DAPK1: variants seen among roughly 807,000 people sequenced by gnomAD.
The protein encoded by DAPK1 is death associated protein kinase 1.
Under a neutral mutation model 144.9 loss-of-function variants are expected in DAPK1, and 56 were observed. The observed-to-expected ratio is 0.39, with a 90% CI of 0.31 to 0.48. The LOEUF is 0.48. DAPK1 is among the 20% of genes least tolerant of loss of function. DAPK1 has a pLI of 0.95. For missense variants in DAPK1, 1,454 were observed against 1,875.4 expected (o/e 0.78, Z 4.15); for synonymous variants, 690 against 749.0 (o/e 0.92, Z 1.29).
chr9:87,680,847 A>G (rs1322879103), intron 19 of DAPK1, among the ~76,000 whole-genome samples: 2 of 152,178 alleles, frequency 1.3e-5, no homozygotes, highest in Non-Finnish European at 2.9e-5. Flanking sequence ...GGTGACACAA[A>G]TGTTCTGGAA....
Position 87,500,601 on chromosome 9 carries a change from G to A in DAPK1, c.62+1462G>A, listed in dbSNP as rs1698438113. The stretch of plus-strand genomic sequence containing the variant: ...TTGAGATTATTATATTATGGATTAA[G>A]TATATTGACCTTATTTTCATTATGA... On this transcript the variant is annotated intron_variant, in intron 2 of 25. Transcript: ENST00000408954. Among the ~76,000 whole-genome samples the A allele has an allele frequency of 2.0e-5, 3 of 152,102 alleles. No homozygotes were observed. The South Asian group carries it at 6.2e-4, about 32-fold the overall frequency.
At chr9:87,562,272 C>T (rs2076051277) in intron 2 of DAPK1, among the ~76,000 whole-genome samples, 1 of 152,220 alleles carries the variant, frequency 6.6e-6, no homozygotes, top group African/African-American at 2.4e-5. Flanking sequence ...CTGTAACAAA[C>T]AACCCCAATA....
chr9:87,566,169 C>T (rs751397689), intron 2 of DAPK1, among the ~76,000 whole-genome samples: 19 of 151,926 alleles, frequency 1.3e-4, no homozygotes, highest in South Asian at 2.1e-4. Flanking sequence ...TACAGTCGCC[C>T]GCCACCATGC....
intron 2 of DAPK1, among the ~76,000 whole-genome samples, chr9:87,585,188 G>A (rs1827906231): frequency 6.6e-6 from 1 of 152,120 alleles, no homozygotes; most frequent in African/African-American, 2.4e-5. Context: ...TTTTTCGTTT[G>A]ATGTAATTCC....
In DAPK1 at chr9:87,677,148, C is replaced by T. The variant is rs79227973; in HGVS notation, c.2002-4256C>T. Among the ~76,000 whole-genome samples, 1,292 of 152,346 alleles carry T rather than the reference C, an allele frequency of 8.5e-3. 16 individuals carry two copies. Among genetic ancestry groups the T allele is most frequent in the African/African-American group, 0.029 (1,204 of 41,578 alleles). On this transcript the variant is annotated intron_variant, in intron 19 of 25. Coordinates refer to ENST00000408954, the MANE Select transcript of DAPK1 (RefSeq NM_004938.4). ...AGGAAACACATCTGTCTCAACTCCT[C>T]CTGCTGCCTCCTCCCTCCTTCTCCA...
chr9:87,567,036 G>C (rs1827152905), intron 2 of DAPK1, among the ~76,000 whole-genome samples: 1 of 148,992 alleles, frequency 6.7e-6, no homozygotes, highest in South Asian at 2.1e-4. Context: ...CAGAATTCAC[G>C]TTGGCAGTTA....
intron 25 of DAPK1, among the ~76,000 whole-genome samples, chr9:87,704,646 C>T (rs533111158): frequency 2.0e-5 from 3 of 152,286 alleles, no homozygotes; most frequent in East Asian, 3.9e-4. Flanking sequence ...GAGCCTGAGG[C>T]GATGAGCAGT....
At chr9:87,543,080 T>C (rs1189746574) in intron 2 of DAPK1, among the ~76,000 whole-genome samples, 1 of 152,234 alleles carries the variant, frequency 6.6e-6, no homozygotes, top group Non-Finnish European at 1.5e-5. Context: ...ATTTAAAATA[T>C]GGGACATGTT....
intron 3 of DAPK1, among the ~76,000 whole-genome samples, chr9:87,637,139 G>A (rs1163649429): frequency 6.6e-6 from 1 of 152,052 alleles, no homozygotes; most frequent in Non-Finnish European, 1.5e-5. Flanking sequence ...CTGTCACCAG[G>A]CTGAAGGGCA....
chr9:87,631,343 G>T lies in DAPK1; in HGVS notation c.285-6600G>T, dbSNP rs1829685811. Among the ~76,000 whole-genome samples the T allele has an allele frequency of 2.0e-5, 3 of 152,136 alleles. No individual in the cohort carries two copies. In the South Asian group the frequency reaches 6.2e-4, roughly 32 times the overall value. ...ATGGAATCTTGCAATACCTTCTCCTGCATTATTAAAAGGCCCACTTTGTTT... is the reference window on the plus strand; with the variant it reads ...ATGGAATCTTGCAATACCTTCTCCTTCATTATTAAAAGGCCCACTTTGTTT... On this transcript the variant is annotated intron_variant, in intron 3 of 25. Coordinates refer to ENST00000408954, the MANE Select transcript of DAPK1 (RefSeq NM_004938.4).
At chr9:87,650,895 C>T (rs1830420596) in intron 16 of DAPK1, among the ~76,000 whole-genome samples, 1 of 152,140 alleles carries the variant, frequency 6.6e-6, no homozygotes, top group African/African-American at 2.4e-5. Flanking sequence ...GCTCCAAATG[C>T]CAATAGCGCT....
Position 87,651,628 on chromosome 9 carries a change from C to T in DAPK1, c.1728C>T (p.His576=), listed in dbSNP as rs768808389. The change falls in exon 17 of 26, where the codon CAC becomes CAT. Residue 576 remains histidine, a synonymous_variant. Coordinates refer to ENST00000408954, the MANE Select transcript of DAPK1 (RefSeq NM_004938.4). ...QGCFVDYQDR[H]GNTPLHVACK... is the part of the protein sequence containing the mutation. ...GTTTCGTCGATTATCAAGACAGGCA[C>T]GGCAATACTCCCCTCCATGTGGCAT... 9.3e-6 allele frequency: 15 copies of T among 1,614,066 alleles called. No homozygotes were observed. The highest frequency in any genetic ancestry group is 8.0e-5 in the African/African-American group (6 of 74,924).
chr9:87,531,105 A>T (rs575730696), intron 2 of DAPK1, among the ~76,000 whole-genome samples: 101 of 152,260 alleles, frequency 6.6e-4, no homozygotes, highest in African/African-American at 2.4e-3. Flanking sequence ...TTAGGGGGAG[A>T]GATCTAGGTC....
intron 2 of DAPK1, among the ~76,000 whole-genome samples, chr9:87,575,786 C>T (rs771117161): frequency 1.8e-4 from 27 of 152,124 alleles, no homozygotes; most frequent in Middle Eastern, 3.4e-3. Flanking sequence ...AAAGAGTGTA[C>T]GAAGAGTGGT....
chr9:87,589,829 A>T (rs1359803885), intron 2 of DAPK1, among the ~76,000 whole-genome samples: 3 of 152,164 alleles, frequency 2.0e-5, no homozygotes, highest in African/African-American at 7.2e-5. Flanking sequence ...AAAATACCTT[A>T]TTGAGGACAC....
intron 2 of DAPK1, among the ~76,000 whole-genome samples, chr9:87,513,154 G>C (rs572469251): frequency 6.6e-6 from 1 of 152,324 alleles, no homozygotes; most frequent in African/African-American, 2.4e-5. Context: ...TAAATAGGCT[G>C]TTAAACGAAA....
Position 87,546,563 on chromosome 9 carries a change from G to T in DAPK1, c.62+47424G>T, listed in dbSNP as rs1456023362. ...CTAGGAATCCACTAGTTCTGGGAGG[G>T]GCAGTGCCTCCAGGGTCAACAAGGC... On this transcript the variant is annotated intron_variant, in intron 2 of 25. Transcript: ENST00000408954. 2.6e-5 allele frequency among the ~76,000 whole-genome samples: 4 copies of T among 152,268 alleles called. No individual in the cohort carries two copies. In the South Asian group the frequency reaches 8.3e-4, roughly 32 times the overall value.
chr9:87,512,372 G>A (rs1824880758), intron 2 of DAPK1, among the ~76,000 whole-genome samples: 2 of 152,174 alleles, frequency 1.3e-5, no homozygotes, highest in African/African-American at 4.8e-5. Context: ...GCCTTGTGCA[G>A]CATGTCAGAC....
intron 21 of DAPK1, among the ~76,000 whole-genome samples, chr9:87,693,672 C>T (rs752983045): frequency 6.6e-6 from 1 of 152,158 alleles, no homozygotes; most frequent in East Asian, 1.9e-4. Context: ...TCTGTGCATC[C>T]GGTATAATAG....
Sources: allele counts gnomAD v4.1 joint callset (sites outside exome capture counted in the v4.1 genomes callset), GRCh38; gene constraint gnomAD v4.1.1; transcripts MANE v1.5; gene names NCBI Gene and HGNC (gene_info 2026-07-23, HGNC 2026-07-21).